The following MECOM variants were observed in gnomAD, a reference collection of about 807,000 sequenced individuals.
MECOM encodes MDS1 and EVI1 complex locus.
Under a neutral mutation model 116.3 loss-of-function variants are expected in MECOM, and 13 were observed. The observed-to-expected ratio is 0.11, with a 90% confidence interval of 0.07 to 0.18. The LOEUF (loss-of-function observed/expected upper bound fraction) is 0.18, where lower values mean the gene tolerates loss of function less well. MECOM is among the 10% of genes least tolerant of loss of function. The pLI is 1.00. For synonymous variants in MECOM, 528 were observed against 535.2 expected (o/e 0.99, Z 0.19); for missense variants, 1,299 against 1,509.0 (o/e 0.86, Z 2.31).
chr3:169,215,431 C>A, intron 2 of MECOM, among the ~76,000 whole-genome samples: 1 of 152,086 alleles, frequency 6.6e-6, no homozygotes, highest in East Asian at 1.9e-4. Context: ...TAATAAATTG[C>A]TGTGAGTTTT....
intron 1 of MECOM, among the ~76,000 whole-genome samples, chr3:169,471,405 C>G (rs1404923617): frequency 6.6e-6 from 1 of 151,764 alleles, no homozygotes. Context: ...GACACCTATC[C>G]TGTGTAACTC....
At chr3:169,517,937 T>C (rs1231060326) in intron 1 of MECOM, among the ~76,000 whole-genome samples, 1 of 152,238 alleles carries the variant, frequency 6.6e-6, no homozygotes, top group East Asian at 1.9e-4. Flanking sequence ...AAATTGTGCA[T>C]AGCTATTTAA....
intron 1 of MECOM, among the ~76,000 whole-genome samples, chr3:169,478,228 T>C (rs1471992791): frequency 2.0e-5 from 3 of 152,238 alleles, no homozygotes; most frequent in Non-Finnish European, 4.4e-5. Context: ...GGATGTTGCA[T>C]GTATCATTAA....
chr3:169,498,489 G>A (rs1257461412), intron 1 of MECOM, among the ~76,000 whole-genome samples: 1 of 152,156 alleles, frequency 6.6e-6, no homozygotes, highest in East Asian at 1.9e-4. Context: ...TAGGTTTTGG[G>A]TTTCAGTGTT....
chr3:169,628,694 C>A (rs2109951214), intron 1 of MECOM, among the ~76,000 whole-genome samples: 1 of 152,276 alleles, frequency 6.6e-6, no homozygotes, highest in South Asian at 2.1e-4. Context: ...AAAGGCGGTC[C>A]AGCAATGTAT....
intron 2 of MECOM, among the ~76,000 whole-genome samples, chr3:169,253,723 A>G (rs1399880452): frequency 6.6e-6 from 1 of 152,130 alleles, no homozygotes; most frequent in Non-Finnish European, 1.5e-5. Flanking sequence ...GATAATTTTT[A>G]TAATGGCTTA....
intron 1 of MECOM, among the ~76,000 whole-genome samples, chr3:169,603,396 A>T (rs1194456606): frequency 1.3e-5 from 2 of 152,246 alleles, no homozygotes; most frequent in Non-Finnish European, 2.9e-5. Flanking sequence ...AAAGTAAAAA[A>T]AAATTACCAT....
intron 2 of MECOM, among the ~76,000 whole-genome samples, chr3:169,334,408 G>C (rs1239684761): frequency 6.6e-6 from 1 of 152,128 alleles, no homozygotes; most frequent in Non-Finnish European, 1.5e-5. Context: ...CTCAAAGTTA[G>C]AATCACCAGG....
chr3:169,264,344 T>C (rs1758003504), intron 2 of MECOM, among the ~76,000 whole-genome samples: 1 of 152,246 alleles, frequency 6.6e-6, no homozygotes, highest in Non-Finnish European at 1.5e-5. Context: ...ATTGATTGAA[T>C]ATACTGTTTT....
In MECOM at chr3:169,479,524, C is replaced by T. The variant is rs549771563; in HGVS notation, c.38-98000G>A. Among the ~76,000 whole-genome samples, 14 of 152,034 alleles carry T rather than the reference C, an allele frequency of 9.2e-5. No individual in the cohort carries two copies. The South Asian group carries it at 2.3e-3, about 25-fold the overall frequency. On this transcript the variant is annotated intron_variant, in intron 1 of 16. Coordinates refer to ENST00000651503, the MANE Select transcript of MECOM (RefSeq NM_004991.4). ...GCTTTGAAGGCTCTTCTAAAGATTA[C>T]GGCCTTCACATGCCTCTGCAATTAG...
intron 2 of MECOM, among the ~76,000 whole-genome samples, chr3:169,256,369 A>T (rs1216137092): frequency 1.3e-5 from 2 of 152,096 alleles, no homozygotes; most frequent in Non-Finnish European, 2.9e-5. Context: ...GTCTGCCTTA[A>T]TGGCCCTGCC....
In MECOM at chr3:169,115,746, G is replaced by T; in HGVS notation, c.2126C>A (p.Pro709Gln). The T allele has an allele frequency of 6.2e-7, 1 of 1,614,148 alleles. No individual in the cohort carries two copies. Among genetic ancestry groups the T allele is most frequent in the East Asian group, 2.2e-5 (1 of 44,876 alleles). ...FFPAFSQSMY[P>Q]FPDRDLRSLP... Reference sequence around the variant, plus strand: ...CGATCTCAAGTCTCTATCAGGAAATGGGTACATTGATTGAGAGAATGCTGG... The same window carrying T: ...CGATCTCAAGTCTCTATCAGGAAATTGGTACATTGATTGAGAGAATGCTGG... Residue 709 changes from proline (P) to glutamine (Q), a missense_variant, in exon 8 of 17, where the codon CCA becomes CAA. Coordinates refer to ENST00000651503, the MANE Select transcript of MECOM (RefSeq NM_004991.4).
chr3:169,272,780 T>G (rs936587590), intron 2 of MECOM, among the ~76,000 whole-genome samples: 4 of 152,148 alleles, frequency 2.6e-5, no homozygotes, highest in African/African-American at 9.7e-5. Context: ...TTTGAAAAAC[T>G]TCTCTTTGTC....
At chr3:169,331,363 T>C (rs1722680097) in intron 2 of MECOM, among the ~76,000 whole-genome samples, 2 of 152,160 alleles carry the variant, frequency 1.3e-5, no homozygotes, top group Non-Finnish European at 2.9e-5. Flanking sequence ...GAACCATACC[T>C]ACCTAATACA....
chr3:169,370,524 G>C (rs1170173801), intron 2 of MECOM, among the ~76,000 whole-genome samples: 1 of 151,648 alleles, frequency 6.6e-6, no homozygotes, highest in Non-Finnish European at 1.5e-5. Context: ...AAATAAACAT[G>C]TGGGACTATA....
intron 1 of MECOM, among the ~76,000 whole-genome samples, chr3:169,537,421 A>G (rs138869166): frequency 6.6e-6 from 1 of 152,312 alleles, no homozygotes; most frequent in Non-Finnish European, 1.5e-5. Flanking sequence ...CTGAACCTCA[A>G]CGTACACATC....
At chr3:169,556,559 C>T (rs1193719522) in intron 1 of MECOM, among the ~76,000 whole-genome samples, 1 of 152,214 alleles carries the variant, frequency 6.6e-6, no homozygotes, top group Non-Finnish European at 1.5e-5. Context: ...GGTTGTCCCA[C>T]CCCTGCGTCA....
chr3:169,587,172 A>G (rs551166567), intron 1 of MECOM, among the ~76,000 whole-genome samples: 1 of 152,130 alleles, frequency 6.6e-6, no homozygotes, highest in South Asian at 2.1e-4. Flanking sequence ...TTGAGCATCT[A>G]ATTTTTTTGC....
intron 2 of MECOM, among the ~76,000 whole-genome samples, chr3:169,270,379 A>G (rs1456295064): frequency 6.6e-6 from 1 of 152,062 alleles, no homozygotes; most frequent in Non-Finnish European, 1.5e-5. Flanking sequence ...TTATATCTAT[A>G]TCTGTATCTA....
Sources: gnomAD v4.1 joint callset for allele counts (sites outside exome capture counted in the v4.1 genomes callset) on GRCh38, gnomAD v4.1.1 for gene constraint, MANE v1.5 for transcripts, NCBI Gene and HGNC (gene_info 2026-07-23, HGNC 2026-07-21) for gene names.